R3HDM4: variants seen among roughly 807,000 people sequenced by gnomAD.
The protein encoded by R3HDM4 is R3H domain-containing protein 4.
A neutral mutation model predicts 31.3 loss-of-function variants in R3HDM4; 30 were observed. That is an observed-to-expected ratio of 0.96 (90% confidence interval 0.72 to 1.30). The LOEUF is 1.30. Ranked by LOEUF, R3HDM4 falls within the 50% of genes most tolerant of loss-of-function variation. R3HDM4 has a pLI of 0.00. For synonymous variants in R3HDM4, 196 were observed against 156.6 expected (o/e 1.25, Z -1.88); for missense variants, 444 against 366.1 (o/e 1.21, Z -1.74).
In R3HDM4 at chr19:907,307, C is replaced by T. The variant is rs1007612391; in HGVS notation, c.72-5177G>A. 3.3e-5 allele frequency among the ~76,000 whole-genome samples: 5 copies of T among 152,138 alleles called. No homozygotes were observed. The highest frequency in any genetic ancestry group is 7.4e-5 in the Non-Finnish European group (5 of 68,020). On this transcript the variant is annotated intron_variant, in intron 1 of 7. Transcript: ENST00000361574. The surrounding 1 kb of genome is among the most constrained non-coding windows in gnomAD (Gnocchi z 4.1). ...AAGCTGGATCAGCCTGAAGCTGCCTCCCTGAGGCCGGAGCACTCTGTCCCA... is the reference window on the plus strand; with the variant it reads ...AAGCTGGATCAGCCTGAAGCTGCCTTCCTGAGGCCGGAGCACTCTGTCCCA...
chr19:912,695 C>T (rs1476524028), intron 1 of R3HDM4, among the ~76,000 whole-genome samples: 1 of 93,992 alleles, frequency 1.1e-5, no homozygotes, highest in African/African-American at 4.3e-5. Flanking sequence ...GGGGTGGACC[C>T]GGGAATGGAG....
intron 7 of R3HDM4, among the ~76,000 whole-genome samples, chr19:898,367 T>C (rs898958075): frequency 1.5e-5 from 2 of 135,172 alleles, no homozygotes; most frequent in African/African-American, 5.7e-5. Flanking sequence ...ATCGCGCCAC[T>C]GCACTCCAGC....
At chr19:912,270 T>G (rs1192116529) in intron 1 of R3HDM4, among the ~76,000 whole-genome samples, 1 of 3,628 alleles carries the variant, frequency 2.8e-4, no homozygotes, top group Admixed American at 3.6e-3. Context: ...ACCAGGGAGT[T>G]GGGGGGCGGA....
Position 900,895 on chromosome 19 carries a change from G to T in R3HDM4, c.409C>A (p.Leu137Met), listed in dbSNP as rs201114227. 3.7e-6 allele frequency: 6 copies of T among 1,601,630 alleles called. No homozygotes were observed. In the South Asian group the frequency reaches 6.7e-5, roughly 18 times the overall value. ...GEEQERVLRY[L>M]EDEGRSKARR... ...GCCTTGCTCCTGCCCTCATCCTCCAGGTAGCGAAGAACCCGCTCCTGCTCC... is the reference window on the plus strand; with the variant it reads ...GCCTTGCTCCTGCCCTCATCCTCCATGTAGCGAAGAACCCGCTCCTGCTCC... The change falls in exon 4 of 8, where the codon CTG becomes ATG. Residue 137 changes from leucine to methionine, a missense_variant. Physicochemically the swap from Leu to Met is conservative, Grantham distance 15. Transcript: ENST00000361574.
chr19:905,065 G>A (rs999100639), intron 1 of R3HDM4, among the ~76,000 whole-genome samples: 3 of 152,122 alleles, frequency 2.0e-5, no homozygotes, highest in Admixed American at 6.5e-5. Context: ...AAAATAAGCC[G>A]GGCGTGGTGG....
At position 901,989 on chromosome 19, in the gene R3HDM4, C is replaced by T; in HGVS notation, c.213G>A (p.Gln71=). Residue 71 remains glutamine, a synonymous_variant, in exon 2 of 8, where the codon CAG becomes CAA. Coordinates refer to ENST00000361574, the MANE Select transcript of R3HDM4 (RefSeq NM_138774.4). The part of the protein sequence containing the change: ...VPKAKGRKSL[Q]RLENTQYLLT... ...ACCCCTGCTCACTGTTCTCCAGGCGCTGGAGGCTCTTCCGCCCCTTGGCCT... is the reference window on the plus strand; with the variant it reads ...ACCCCTGCTCACTGTTCTCCAGGCGTTGGAGGCTCTTCCGCCCCTTGGCCT... 6.2e-7 allele frequency: 1 copy of T among 1,613,766 alleles called. No individual in the cohort carries two copies. Among genetic ancestry groups the T allele is most frequent in the Non-Finnish European group, 8.5e-7 (1 of 1,180,014 alleles).
In R3HDM4 at chr19:902,079, G is replaced by C. The variant is rs1000829934; in HGVS notation, c.123C>G (p.Leu41=). 2 of 1,613,896 alleles carry C rather than the reference G, an allele frequency of 1.2e-6. No individual in the cohort carries two copies. Among genetic ancestry groups the C allele is most frequent in the East Asian group, 2.2e-5 (1 of 44,890 alleles). Residue 41 remains leucine, a synonymous_variant, in exon 2 of 8, where the codon CTC becomes CTG. Transcript: ENST00000361574. ...PALASSQVKR[L]SASRRKQHFI... is the part of the protein sequence containing the mutation. ...AGTGCTGTTTCCGCCTGGAAGCCGAGAGTCTCTTCACCTGGGAGCTGGCTA... is the reference window on the plus strand; with the variant it reads ...AGTGCTGTTTCCGCCTGGAAGCCGACAGTCTCTTCACCTGGGAGCTGGCTA...
intron 1 of R3HDM4, among the ~76,000 whole-genome samples, chr19:909,834 GGAA>G (rs759813109): frequency 2.0e-5 from 3 of 152,080 alleles, no homozygotes; most frequent in Non-Finnish European, 4.4e-5. Context: ...AGAAGACTCA[GGAA>G]GAAGAGCCCA....
intron 3 of R3HDM4, chr19:901,170 G>A: frequency 1.5e-6 from 1 of 675,720 alleles, no homozygotes. Flanking sequence ...GGGGATTGAG[G>A]TGAAACACTC....
chr19:898,446 C>A (rs2036773732), intron 7 of R3HDM4, among the ~76,000 whole-genome samples: 1 of 128,180 alleles, frequency 7.8e-6, no homozygotes, highest in Non-Finnish European at 1.6e-5. Context: ...ACTAAAAATA[C>A]AAAATTAGCC....
At position 899,218 on chromosome 19, in the gene R3HDM4, T is replaced by C. The variant is rs141743848; in HGVS notation, c.703+222A>G. On this transcript the variant is annotated intron_variant, in intron 7 of 7. Transcript: ENST00000361574. The surrounding 1 kb of genome is among the most constrained non-coding windows in gnomAD (Gnocchi z 6.8). ...GGAGTGTCTGTGTCCAGCAGCCTGG[T>C]TGTGTCTGCGGTCACCCTGCGTGGG... Among the ~76,000 whole-genome samples the C allele has an allele frequency of 8.9e-3, 1,359 of 152,176 alleles. 22 individuals carry two copies. The highest frequency in any genetic ancestry group is 0.031 in the African/African-American group (1,290 of 41,488).
At chr19:909,883 G>A (rs998123301) in intron 1 of R3HDM4, among the ~76,000 whole-genome samples, 4 of 151,770 alleles carry the variant, frequency 2.6e-5, no homozygotes, top group Non-Finnish European at 5.9e-5. Flanking sequence ...GTGGTTCAAG[G>A]CCCCCTTAGA....
intron 1 of R3HDM4, among the ~76,000 whole-genome samples, chr19:905,612 G>A (rs1005059986): frequency 2.7e-5 from 4 of 150,870 alleles, no homozygotes; most frequent in Non-Finnish European, 5.9e-5. Flanking sequence ...TTGAACCTGG[G>A]AGGTGGAGGT....
At chr19:911,801 C>T (rs964052758) in intron 1 of R3HDM4, among the ~76,000 whole-genome samples, 1 of 152,102 alleles carries the variant, frequency 6.6e-6, no homozygotes, top group Non-Finnish European at 1.5e-5. Flanking sequence ...TCCGGGTCCC[C>T]CGGGAAGGAC....
intron 1 of R3HDM4, among the ~76,000 whole-genome samples, chr19:904,507 C>T (rs1056311267): frequency 2.0e-5 from 3 of 152,146 alleles, no homozygotes; most frequent in Admixed American, 6.6e-5. Context: ...GACTGGAAAA[C>T]GCTAGGAAAC....
chr19:911,233 C>A (rs1024951329), intron 1 of R3HDM4, among the ~76,000 whole-genome samples: 5 of 152,206 alleles, frequency 3.3e-5, no homozygotes, highest in African/African-American at 1.2e-4. Context: ...ATCGTGAGGT[C>A]AGGAAATCAA....
At chr19:911,287 T>C (rs1292510164) in intron 1 of R3HDM4, among the ~76,000 whole-genome samples, 1 of 150,644 alleles carries the variant, frequency 6.6e-6, no homozygotes, top group African/African-American at 2.4e-5. Context: ...CTACTAAAAA[T>C]ACAACAATTA....
intron 1 of R3HDM4, among the ~76,000 whole-genome samples, chr19:911,124 A>AT (rs1438641885): frequency 1.3e-5 from 2 of 150,856 alleles, no homozygotes; most frequent in Non-Finnish European, 3.0e-5. Flanking sequence ...CTGTCTCAAA[A>AT]AAATAAACAA....
In R3HDM4 at chr19:897,174, G is replaced by A. The variant is rs975370501; in HGVS notation, c.*263C>T. ...GAAAAGCTCAACGATGAAGAAACAG[G>A]AACATGCCCAGGTCAGGTCTCCCCA... On this transcript the variant is annotated 3_prime_UTR_variant, in exon 8 of 8. Transcript: ENST00000361574. 6 of 410,922 alleles carry A rather than the reference G, an allele frequency of 1.5e-5. No individual in the cohort carries two copies. The highest frequency in any genetic ancestry group is 2.1e-5 in the African/African-American group (1 of 48,758). The allele number at this position is 410,922 out of a possible 1,614,324, so 25.5% of individuals were successfully genotyped here. A position where few individuals can be genotyped will look rare whatever the true frequency, so the allele number is the denominator to read the frequency against.
Sources: gnomAD v4.1 joint callset for allele counts (sites outside exome capture counted in the v4.1 genomes callset) on GRCh38, gnomAD v4.1.1 for gene constraint, Gnocchi (gnomAD v3.1) non-coding constraint, MANE v1.5 for transcripts, NCBI Gene and HGNC (gene_info 2026-07-23, HGNC 2026-07-21) for gene names.